Variants in NAALADL2 observed in about 807,000 individuals in gnomAD.
NAALADL2 encodes inactive N-acetylated-alpha-linked acidic dipeptidase-like protein 2.
NAALADL2 carries 76 observed loss-of-function variants against 87.2 expected under a neutral mutation model. The observed-to-expected ratio is 0.87, with a 90% CI of 0.72 to 1.05. The LOEUF is 1.05. Ranked by LOEUF, NAALADL2 falls within the 50% of genes least tolerant of loss-of-function variation. NAALADL2 has a pLI of 0.00. For missense variants in NAALADL2, 1,089 were observed against 945.8 expected, an observed-to-expected ratio of 1.15 and a Z score of -1.99; for synonymous variants, 354 against 331.0, an observed-to-expected ratio of 1.07 and a Z score of -0.75.
chr3:175,212,344 A>C (rs911161061), intron 2 of NAALADL2, among the ~76,000 whole-genome samples: 9 of 152,168 alleles, frequency 5.9e-5, no homozygotes, highest in African/African-American at 1.9e-4. Context: ...GGTAAAAAAA[A>C]AATGAGTTAT....
intron 1 of NAALADL2, among the ~76,000 whole-genome samples, chr3:174,885,900 T>G (rs1161848468): frequency 0.017 from 580 of 35,054 alleles, 35 homozygotes; most frequent in African/African-American, 0.083. Flanking sequence ...TTTTTTTTTT[T>G]TTTTTTTTTT....
rs377430723 is a variant in NAALADL2, at chr3:175,338,702, G to A, written c.1090+14377G>A. On this transcript the variant is annotated intron_variant, in intron 5 of 13. Transcript: ENST00000454872. ...CCAGGAACTGAGTTCCAGAACTGATGTGAAGAGTTTAGGAACTCTGGCAAA... is the reference window on the plus strand; with the variant it reads ...CCAGGAACTGAGTTCCAGAACTGATATGAAGAGTTTAGGAACTCTGGCAAA... Among the ~76,000 whole-genome samples the A allele has an allele frequency of 2.4e-4, 36 of 147,850 alleles. 1 individual carries two copies. Among genetic ancestry groups the A allele is most frequent in the African/African-American group, 9.0e-4 (36 of 39,894 alleles).
chr3:175,646,491 T>C (rs1052600394), intron 11 of NAALADL2, among the ~76,000 whole-genome samples: 1 of 152,080 alleles, frequency 6.6e-6, no homozygotes, highest in Non-Finnish European at 1.5e-5. Flanking sequence ...CCTCTGCATG[T>C]AGTCATTTTT....
intron 2 of NAALADL2, among the ~76,000 whole-genome samples, chr3:174,572,178 G>A (rs1427404548): frequency 6.6e-6 from 1 of 151,946 alleles, no homozygotes; most frequent in Non-Finnish European, 1.5e-5. Context: ...GTCCAGGCTG[G>A]AGTGCAGTGG....
chr3:175,324,004 C>T lies in NAALADL2; in HGVS notation c.940-171C>T, dbSNP rs528807936. ...CTGCACTCCAGCCTGGGCGACAGAG[C>T]GAGACTCCATCTCAAAAAACAAACA... is the stretch of plus-strand genomic sequence containing the variant. On this transcript the variant is annotated intron_variant, in intron 4 of 13. Transcript: ENST00000454872. Among the ~76,000 whole-genome samples the T allele has an allele frequency of 1.8e-4, 23 of 124,536 alleles. No homozygotes were observed. In the East Asian group the frequency reaches 5.0e-3, roughly 27 times the overall value. 81.7% of individuals were successfully genotyped at this position (124,536 alleles called of 152,430 possible).
intron 11 of NAALADL2, among the ~76,000 whole-genome samples, chr3:175,733,547 A>C (rs954192755): frequency 2.0e-5 from 3 of 152,136 alleles, no homozygotes; most frequent in African/African-American, 7.2e-5. Flanking sequence ...GGGGACACAG[A>C]GCCAAACCAT....
At chr3:175,540,133 C>T (rs905548274) in intron 9 of NAALADL2, among the ~76,000 whole-genome samples, 1 of 152,100 alleles carries the variant, frequency 6.6e-6, no homozygotes, top group Admixed American at 6.5e-5. Context: ...TCAGATGAAA[C>T]AAACAGATGA....
intron 13 of NAALADL2, among the ~76,000 whole-genome samples, chr3:175,772,285 A>G (rs946884467): frequency 1.3e-5 from 2 of 151,688 alleles, no homozygotes; most frequent in African/African-American, 4.8e-5. Context: ...TTTTGTTGCA[A>G]TCCCAACCTT....
In NAALADL2 at chr3:174,936,341, TATA is replaced by T. The variant is rs201168859; in HGVS notation, c.43+76903_43+76905del. 3.7e-3 allele frequency among the ~76,000 whole-genome samples: 568 copies of T among 152,164 alleles called. 2 individuals are homozygous for T. Among genetic ancestry groups the T allele is most frequent in the African/African-American group, 0.013 (521 of 41,532 alleles). The stretch of plus-strand genomic sequence containing the variant: ...TACCTTGAAGAAGAATTATTTCTTA[TATA>T]ATAATAATAATCTGTTTAGATCTAT... On this transcript the variant is annotated intron_variant, in intron 1 of 13. Transcript: ENST00000454872.
At chr3:174,747,115 T>C (rs547970151) in intron 3 of NAALADL2, among the ~76,000 whole-genome samples, 106 of 151,974 alleles carry the variant, frequency 7.0e-4, no homozygotes, top group Admixed American at 1.5e-3. Flanking sequence ...GCATAGCAAA[T>C]GAAACTATCA....
At chr3:174,608,325 A>T (rs1719363633) in intron 2 of NAALADL2, among the ~76,000 whole-genome samples, 1 of 152,200 alleles carries the variant, frequency 6.6e-6, no homozygotes, top group South Asian at 2.1e-4. Context: ...TCAGAGCAGA[A>T]CTGAAGGAAA....
chr3:175,395,091 A>T (rs1769598769), intron 5 of NAALADL2, among the ~76,000 whole-genome samples: 1 of 152,124 alleles, frequency 6.6e-6, no homozygotes, highest in African/African-American at 2.4e-5. Context: ...TGGGATACCA[A>T]GACAGTTGAC....
At chr3:175,618,144 A>G (rs1725610319) in intron 10 of NAALADL2, among the ~76,000 whole-genome samples, 1 of 152,168 alleles carries the variant, frequency 6.6e-6, no homozygotes. Flanking sequence ...AATTTCAAAT[A>G]CTTGAGTTAA....
intron 3 of NAALADL2, among the ~76,000 whole-genome samples, chr3:174,801,876 C>A (rs1157084506): frequency 6.6e-6 from 1 of 151,846 alleles, no homozygotes; most frequent in Non-Finnish European, 1.5e-5. Context: ...ATGAAAAGAT[C>A]TAACTCTACT....
Position 174,654,594 on chromosome 3 carries a change from T to C in NAALADL2, c.-114-83047T>C, listed in dbSNP as rs146550283. ...AGAGCTGTCACTCAAAAAGCTCAAA[T>C]TGAGAAGCTGCTCTCATGTTCCCCT... On this transcript the variant is annotated intron_variant, in intron 2 of 3. Coordinates refer to the NAALADL2 transcript ENST00000434257. 8.3e-4 allele frequency among the ~76,000 whole-genome samples: 127 copies of C among 152,296 alleles called. 1 individual carries two copies. Among genetic ancestry groups the C allele is most frequent in the African/African-American group, 2.9e-3 (120 of 41,574 alleles).
At chr3:175,356,305 G>A (rs983894564) in intron 5 of NAALADL2, among the ~76,000 whole-genome samples, 15 of 152,026 alleles carry the variant, frequency 9.9e-5, no homozygotes, top group African/African-American at 2.7e-4. Context: ...AATATCCACC[G>A]GGCAAGGTGG....
chr3:174,934,465 T>C (rs548536909), intron 1 of NAALADL2, among the ~76,000 whole-genome samples: 1 of 152,286 alleles, frequency 6.6e-6, no homozygotes, highest in South Asian at 2.1e-4. Flanking sequence ...GCTTTAGATA[T>C]TATTTTTTGT....
At chr3:175,308,529 T>C (rs767373045) in intron 4 of NAALADL2, among the ~76,000 whole-genome samples, 8 of 152,186 alleles carry the variant, frequency 5.3e-5, no homozygotes, top group Non-Finnish European at 8.8e-5. Context: ...ATGTCTGTGA[T>C]GAAAAATGTA....
intron 6 of NAALADL2, among the ~76,000 whole-genome samples, chr3:175,456,535 A>C (rs1722346057): frequency 6.6e-6 from 1 of 152,086 alleles, no homozygotes; most frequent in South Asian, 2.1e-4. Flanking sequence ...GTTTCTAATT[A>C]CAACTTTCAA....
Sources: allele counts gnomAD v4.1 joint callset (sites outside exome capture counted in the v4.1 genomes callset), GRCh38; gene constraint gnomAD v4.1.1; transcripts MANE v1.5; gene names NCBI Gene and HGNC (gene_info 2026-07-23, HGNC 2026-07-21).